RPS27L: variants seen among roughly 807,000 people sequenced by gnomAD.
RPS27L encodes the protein ribosomal protein S27 like, also known as ribosomal protein eS27-like.
In RPS27L, 10 loss-of-function variants were observed where a neutral mutation model predicts 12.8. The ratio of observed to expected loss-of-function variants is 0.78; its 90% CI spans 0.48 to 1.33. The LOEUF is 1.33. RPS27L is among the 40% of genes most tolerant of loss of function. The probability of loss-of-function intolerance (pLI) is 0.00; values close to 1 mark genes in which losing one functional copy is unlikely to be tolerated. For synonymous variants in RPS27L, 26 were observed against 32.3 expected (o/e 0.81, Z 0.66); for missense variants, 81 against 97.4 (o/e 0.83, Z 0.71).
At chr15:63,155,864 C>T (rs1240513342) in intron 2 of RPS27L, 133 bp from the exon 3 acceptor site, 1 of 461,344 alleles carries the variant, frequency 2.2e-6, no homozygotes, top group Admixed American at 4.3e-5. Flanking sequence ...GTAACATAAA[C>T]TTTTCTAGCA....
At chr15:63,155,465 T>C in intron 3 of RPS27L, 156 bp downstream of exon 3, 2 of 505,818 alleles carry the variant, frequency 4.0e-6, no homozygotes, top group African/African-American at 2.0e-5. Flanking sequence ...AGAGTATAAA[T>C]ATATCCATTT....
intron 3 of RPS27L, chr15:63,154,652 C>T (rs1483151350): frequency 6.6e-6 from 1 of 152,170 alleles, no homozygotes; most frequent in Admixed American, 6.6e-5. Context: ...TGCTGCCAAT[C>T]CACTTGAACT....
Position 63,149,925 on chromosome 15 carries a change from T to G in RPS27L, c.*4107A>C, listed in dbSNP as rs1474884332. ...CCATCTCTACAAAAAATACAAAAAATTAGCGGGGTGTGGTGGCACGTGCCT... is the reference window on the plus strand; with the variant it reads ...CCATCTCTACAAAAAATACAAAAAAGTAGCGGGGTGTGGTGGCACGTGCCT... On this transcript the variant is annotated 3_prime_UTR_variant, in exon 4 of 4. Coordinates refer to ENST00000330964, the MANE Select transcript of RPS27L (RefSeq NM_015920.4). 4 of 151,902 alleles carry G rather than the reference T, an allele frequency of 2.6e-5. No individual in the cohort carries two copies. The highest frequency in any genetic ancestry group is 9.7e-5 in the African/African-American group (4 of 41,280). The allele number at this position is 151,902 out of a possible 1,614,324, so 9.4% of individuals were successfully genotyped here.
At position 63,154,076 on chromosome 15, in the gene RPS27L, G is replaced by T; in HGVS notation, c.227-16C>A. On this transcript the variant is annotated splice_polypyrimidine_tract_variant and intron_variant, in intron 3 of 3. Transcript: ENST00000330964. ...AATGAACACCCTGCAAAAGAATCATGAGAGTATATTAAACAAGTGCATTCT... is the reference window on the plus strand; with the variant it reads ...AATGAACACCCTGCAAAAGAATCATTAGAGTATATTAAACAAGTGCATTCT... 6.2e-7 allele frequency: 1 copy of T among 1,600,060 alleles called. No individual in the cohort carries two copies.
rs1160115276 is a variant in RPS27L, at chr15:63,150,194, C to G, written c.*3838G>C. 6.6e-6 allele frequency: 1 copy of G among 152,196 alleles called. No homozygotes were observed. Among genetic ancestry groups the G allele is most frequent in the Non-Finnish European group, 1.5e-5 (1 of 68,028 alleles). The allele number at this position is 152,196 out of a possible 1,614,324, so 9.4% of individuals were successfully genotyped here. On this transcript the variant is annotated 3_prime_UTR_variant, in exon 4 of 4. Transcript: ENST00000330964. ...AAAAGGAATGAAATATTGATACATG[C>G]AACAGCATGGACAGCCCTTGAAAAC...
intron 1 of RPS27L, 94 bp from the exon 2 acceptor site, chr15:63,156,615 C>T: frequency 1.3e-6 from 1 of 773,268 alleles, no homozygotes; most frequent in Non-Finnish European, 2.2e-6. Flanking sequence ...ACAGGAATAA[C>T]GGTCATCCTC....
rs962021947 is a variant in RPS27L at position 63,150,519 on chromosome 15, T to G, written c.*3513A>C. 3.9e-5 allele frequency: 6 copies of G among 152,230 alleles called. No homozygotes were observed. The highest frequency in any genetic ancestry group is 3.9e-4 in the East Asian group (2 of 5,184). 9.4% of individuals were successfully genotyped at this position (152,230 alleles called of 1,614,324 possible). ...TGGATTTTATAGTATCTGAATCATA[T>G]CTCCAGAAAAATAAAACAGAAAGGA... On this transcript the variant is annotated 3_prime_UTR_variant, in exon 4 of 4. Transcript: ENST00000330964.
chr15:63,149,560 C>G lies in RPS27L; in HGVS notation c.*4472G>C, dbSNP rs2037286631. The G allele has an allele frequency of 1.9e-5, 1 of 51,906 alleles. No individual in the cohort carries two copies. The highest frequency in any genetic ancestry group is 6.2e-5 in the Non-Finnish European group (1 of 16,156). The allele number at this position is 51,906 out of a possible 1,614,324, so 3.2% of individuals were successfully genotyped here. A position where few individuals can be genotyped will look rare whatever the true frequency, so the allele number is the denominator to read the frequency against. ...TCAGCCTGGGCGACGGAGCAAGACTCCGTCTCAAAAAAAAAAAAAAAAAAG... is the reference window on the plus strand; with the variant it reads ...TCAGCCTGGGCGACGGAGCAAGACTGCGTCTCAAAAAAAAAAAAAAAAAAG... On this transcript the variant is annotated 3_prime_UTR_variant, in exon 4 of 4. Coordinates refer to ENST00000330964, the MANE Select transcript of RPS27L (RefSeq NM_015920.4).
At chr15:63,155,896 A>G (rs2037329303) in intron 2 of RPS27L, among the ~76,000 whole-genome samples, 165 bp from the exon 3 acceptor site, 1 of 152,248 alleles carries the variant, frequency 6.6e-6, no homozygotes, top group African/African-American at 2.4e-5. Flanking sequence ...TTTTTTAAAA[A>G]CAGGTAAAAT....
intron 3 of RPS27L, 156 bp from the exon 4 acceptor site, chr15:63,154,216 C>A: frequency 1.6e-6 from 1 of 613,730 alleles, no homozygotes. Flanking sequence ...CAGAAATTTG[C>A]TATAATACAT....
intron 2 of RPS27L, among the ~76,000 whole-genome samples, chr15:63,155,994 A>C (rs2037330177): frequency 6.6e-6 from 1 of 152,202 alleles, no homozygotes; most frequent in Non-Finnish European, 1.5e-5. Context: ...ACATCGTCAA[A>C]ATCCAGTGAG....
intron 1 of RPS27L, 129 bp from the exon 2 acceptor site, chr15:63,156,650 AAAGTT>A: frequency 2.9e-6 from 2 of 686,350 alleles, no homozygotes; most frequent in South Asian, 1.6e-5. Flanking sequence ...GTCAGATAGT[AAAGTT>A]ATTTTTCGAA....
At position 63,151,706 on chromosome 15, in the gene RPS27L, T is replaced by C. The variant is rs1450627271; in HGVS notation, c.*2326A>G. The C allele has an allele frequency of 6.6e-6, 1 of 152,202 alleles. No individual in the cohort carries two copies. The highest frequency in any genetic ancestry group is 1.5e-5 in the Non-Finnish European group (1 of 68,054). 9.4% of individuals were successfully genotyped at this position (152,202 alleles called of 1,614,324 possible). ...CTAAACTGTGCAAGCTGAAGTGCCTTGGAGTACCTCAGGAAAAACACTTGA... is the reference window on the plus strand; with the variant it reads ...CTAAACTGTGCAAGCTGAAGTGCCTCGGAGTACCTCAGGAAAAACACTTGA... On this transcript the variant is annotated 3_prime_UTR_variant, in exon 4 of 4. Transcript: ENST00000330964.
chr15:63,154,207 A>C (rs1407280530), intron 3 of RPS27L, 147 bp from the exon 4 acceptor site: 1 of 638,740 alleles, frequency 1.6e-6, no homozygotes, highest in Non-Finnish European at 2.7e-6. Flanking sequence ...CTTTTATACC[A>C]GAAATTTGCT....
Position 63,153,898 on chromosome 15 carries a change from G to A in RPS27L, c.*134C>T, listed in dbSNP as rs1299272636. ...TATTGAAAAACTGACACCAAAATAG[G>A]AGATTACTGCTGTATACCTTACAAA... On this transcript the variant is annotated 3_prime_UTR_variant, in exon 4 of 4. Coordinates refer to ENST00000330964, the MANE Select transcript of RPS27L (RefSeq NM_015920.4). 2 of 688,494 alleles carry A rather than the reference G, an allele frequency of 2.9e-6. No homozygotes were observed. The highest frequency in any genetic ancestry group is 5.5e-5 in the Admixed American group (2 of 36,618). 42.6% of individuals were successfully genotyped at this position (688,494 alleles called of 1,614,324 possible).
intron 1 of RPS27L, chr15:63,156,822 A>T (rs1236699794): frequency 1.9e-6 from 1 of 540,270 alleles, no homozygotes; most frequent in Non-Finnish European, 3.2e-6. Context: ...AACTGCGCGA[A>T]GTCGAGGTGC....
In RPS27L at chr15:63,151,699, A is replaced by G. The variant is rs1383539504; in HGVS notation, c.*2333T>C. On this transcript the variant is annotated 3_prime_UTR_variant, in exon 4 of 4. Transcript: ENST00000330964. ...AAGTATCCTAAACTGTGCAAGCTGA[A>G]GTGCCTTGGAGTACCTCAGGAAAAA... is the stretch of plus-strand genomic sequence containing the variant. 6.6e-6 allele frequency: 1 copy of G among 152,172 alleles called. No individual in the cohort carries two copies. The highest frequency in any genetic ancestry group is 1.5e-5 in the Non-Finnish European group (1 of 68,036). The allele number at this position is 152,172 out of a possible 1,614,324, so 9.4% of individuals were successfully genotyped here.
chr15:63,157,024 G>A, intron 1 of RPS27L: 1 of 361,992 alleles, frequency 2.8e-6, no homozygotes, highest in Non-Finnish European at 5.0e-6. Flanking sequence ...TTTAAAAAAG[G>A]AAAACAAGTA....
At position 63,157,455 on chromosome 15, in the gene RPS27L, C is replaced by T. The variant is rs555747033; in HGVS notation, c.-50G>A. On this transcript the variant is annotated 5_prime_UTR_variant, in exon 1 of 4. Coordinates refer to ENST00000330964, the MANE Select transcript of RPS27L (RefSeq NM_015920.4). ...CTACCAGACCTCCCAGCCCACACAGCTAGCAAGCTGCAAGCGATCTGCGCT... is the reference window on the plus strand; with the variant it reads ...CTACCAGACCTCCCAGCCCACACAGTTAGCAAGCTGCAAGCGATCTGCGCT... 6.2e-7 allele frequency: 1 copy of T among 1,611,476 alleles called. No homozygotes were observed. The highest frequency in any genetic ancestry group is 1.1e-5 in the South Asian group (1 of 91,036).
Sources: allele counts gnomAD v4.1 joint callset (sites outside exome capture counted in the v4.1 genomes callset), GRCh38; gene constraint gnomAD v4.1.1; transcripts MANE v1.5; gene names NCBI Gene and HGNC (gene_info 2026-07-23, HGNC 2026-07-21).